The following KCNIP4 variants were observed in gnomAD, a reference collection of about 807,000 sequenced individuals.
KCNIP4 encodes Kv channel-interacting protein 4.
KCNIP4 carries 12 observed loss-of-function variants against 34.0 expected under a neutral mutation model. The observed-to-expected ratio is 0.35, with a 90% CI of 0.23 to 0.57. The LOEUF (loss-of-function observed/expected upper bound fraction) is 0.57. KCNIP4 is among the 20% of genes least tolerant of loss of function. The pLI is 0.83. For missense variants in KCNIP4, 238 were observed against 311.7 expected, an observed-to-expected ratio of 0.76 and a Z score of 1.78; for synonymous variants, 124 against 102.2, an observed-to-expected ratio of 1.21 and a Z score of -1.29.
intron 3 of KCNIP4, among the ~76,000 whole-genome samples, chr4:20,797,709 A>G (rs1713663555): frequency 6.6e-6 from 1 of 152,208 alleles, no homozygotes; most frequent in Non-Finnish European, 1.5e-5. Flanking sequence ...GATAGAGAGC[A>G]AGGAAAGTGT....
intron 3 of KCNIP4, among the ~76,000 whole-genome samples, chr4:20,818,564 G>C (rs995620210): frequency 6.6e-6 from 1 of 152,150 alleles, no homozygotes; most frequent in Non-Finnish European, 1.5e-5. Context: ...TGTCTAATGA[G>C]AGCCTCATTC....
chr4:20,779,585 C>CA (rs1474398889), intron 3 of KCNIP4, among the ~76,000 whole-genome samples: 5 of 134,618 alleles, frequency 3.7e-5, no homozygotes, highest in South Asian at 4.8e-4. Context: ...AACCCCCCCC[C>CA]CCCACACAAA....
intron 1 of KCNIP4, among the ~76,000 whole-genome samples, chr4:21,253,406 AT>A (rs1340115705): frequency 1.6e-4 from 24 of 152,210 alleles, no homozygotes; most frequent in Non-Finnish European, 3.1e-4. Context: ...TGATGACATC[AT>A]GTGTTATGGC....
chr4:21,511,058 A>T (rs1294183222), intron 1 of KCNIP4, among the ~76,000 whole-genome samples: 3 of 151,922 alleles, frequency 2.0e-5, no homozygotes, highest in African/African-American at 7.3e-5. Flanking sequence ...ATAAAATAAA[A>T]TAATAATAAT....
intron 1 of KCNIP4, among the ~76,000 whole-genome samples, chr4:21,183,955 A>G (rs1755030873): frequency 6.6e-6 from 1 of 151,942 alleles, no homozygotes; most frequent in Non-Finnish European, 1.5e-5. Context: ...TTCCTTTGCA[A>G]TAATTGATTT....
In KCNIP4 at chr4:21,473,557, A is replaced by G. The variant is rs538467498; in HGVS notation, c.61+475014T>C. ...TTGGGAGTTCAGATTTTAGAAAAAG[A>G]AATTGGAGCTTTACATACATTTAAC... On this transcript the variant is annotated intron_variant, in intron 1 of 8. Coordinates refer to ENST00000382152, the MANE Select transcript of KCNIP4 (RefSeq NM_025221.6). Among the ~76,000 whole-genome samples the G allele has an allele frequency of 2.6e-5, 4 of 152,314 alleles. No homozygotes were observed. In the East Asian group the frequency reaches 7.7e-4, roughly 29 times the overall value.
chr4:21,361,271 A>G (rs1719191681), intron 1 of KCNIP4, among the ~76,000 whole-genome samples: 1 of 152,088 alleles, frequency 6.6e-6, no homozygotes, highest in Non-Finnish European at 1.5e-5. Context: ...CTCCATCTAT[A>G]AAATGATGAT....
At position 20,863,629 on chromosome 4, in the gene KCNIP4, A is replaced by T. The variant is rs377134837; in HGVS notation, c.164-12962T>A. ...CAAACCATACACTAAATTCTTTCCC[A>T]AGGTTAGTTCAGCCTACGCCCAGGA... On this transcript the variant is annotated intron_variant, in intron 2 of 8. Coordinates refer to ENST00000382152, the MANE Select transcript of KCNIP4 (RefSeq NM_025221.6). 1.7e-4 allele frequency among the ~76,000 whole-genome samples: 26 copies of T among 152,278 alleles called. No homozygotes were observed. The South Asian group carries it at 2.1e-3, about 12-fold the overall frequency.
At chr4:21,860,622 T>C (rs978375650) in intron 1 of KCNIP4, among the ~76,000 whole-genome samples, 2 of 152,024 alleles carry the variant, frequency 1.3e-5, no homozygotes, top group African/African-American at 4.8e-5. Context: ...AAAACACTTT[T>C]AAGATAATTG....
At chr4:21,100,506 T>C (rs1442453091) in intron 1 of KCNIP4, among the ~76,000 whole-genome samples, 2 of 152,128 alleles carry the variant, frequency 1.3e-5, no homozygotes, top group South Asian at 2.1e-4. Flanking sequence ...TGAGCCGAGA[T>C]TGCACTACTG....
intron 1 of KCNIP4, among the ~76,000 whole-genome samples, chr4:21,820,190 A>T (rs1722243923): frequency 6.6e-6 from 1 of 150,998 alleles, no homozygotes; most frequent in African/African-American, 2.4e-5. Flanking sequence ...ATCACATTAC[A>T]TATCTATGTA....
intron 1 of KCNIP4, among the ~76,000 whole-genome samples, chr4:21,474,620 C>G (rs988298672): frequency 1.3e-5 from 2 of 152,020 alleles, no homozygotes. Context: ...CAGAAGCTGT[C>G]CCAGGTCAGG....
At chr4:20,848,487 C>A (rs375657979) in intron 3 of KCNIP4, among the ~76,000 whole-genome samples, 3 of 148,442 alleles carry the variant, frequency 2.0e-5, no homozygotes, top group Admixed American at 6.7e-5. Context: ...ATATGGGCAA[C>A]AAAAAAAAAC....
intron 1 of KCNIP4, among the ~76,000 whole-genome samples, chr4:21,242,695 G>A (rs1038681608): frequency 2.0e-5 from 3 of 152,190 alleles, no homozygotes; most frequent in Middle Eastern, 6.8e-3. Flanking sequence ...CACTGACAAT[G>A]GACTAAGATT....
At chr4:21,550,369 TG>T (rs1480454634) in intron 1 of KCNIP4, among the ~76,000 whole-genome samples, 1 of 152,118 alleles carries the variant, frequency 6.6e-6, no homozygotes, top group Non-Finnish European at 1.5e-5. Context: ...TAATGGGCAC[TG>T]GAAGGAGGGA....
intron 1 of KCNIP4, among the ~76,000 whole-genome samples, chr4:21,178,921 G>A (rs1275785109): frequency 1.3e-5 from 2 of 151,002 alleles, no homozygotes; most frequent in Non-Finnish European, 2.9e-5. Context: ...GGGTTCAGGT[G>A]ATTCTCCCAC....
chr4:21,488,114 T>G (rs558106165), intron 1 of KCNIP4, among the ~76,000 whole-genome samples: 3 of 152,194 alleles, frequency 2.0e-5, no homozygotes, highest in African/African-American at 7.2e-5. Flanking sequence ...CCCATCTATA[T>G]GTATTTACCT....
intron 6 of KCNIP4, among the ~76,000 whole-genome samples, chr4:20,733,476 T>G (rs755941683): frequency 4.6e-5 from 7 of 152,154 alleles, no homozygotes; most frequent in Non-Finnish European, 7.3e-5. Context: ...ATCTCTCAAT[T>G]AGGTTAATAC....
At chr4:20,940,960 A>T (rs1270801557) in intron 1 of KCNIP4, among the ~76,000 whole-genome samples, 1 of 152,194 alleles carries the variant, frequency 6.6e-6, no homozygotes, top group Non-Finnish European at 1.5e-5. Context: ...GACAATGAGC[A>T]CATTTCTCAG....
Sources: allele counts gnomAD v4.1 joint callset (sites outside exome capture counted in the v4.1 genomes callset), GRCh38; gene constraint gnomAD v4.1.1; transcripts MANE v1.5; gene names NCBI Gene and HGNC (gene_info 2026-07-23, HGNC 2026-07-21).